PDE7B: variants seen among roughly 807,000 people sequenced by gnomAD.
PDE7B encodes the protein phosphodiesterase 7B.
Under a neutral mutation model 56.2 loss-of-function variants are expected in PDE7B, and 29 were observed. The observed-to-expected ratio is 0.52, with a 90% CI of 0.38 to 0.70. The LOEUF (loss-of-function observed/expected upper bound fraction) is 0.70. Among genes scored for constraint, PDE7B ranks in the 30% least tolerant of loss-of-function variants. The pLI is 0.00. For missense variants in PDE7B, 490 were observed against 565.0 expected (o/e 0.87, Z 1.35); for synonymous variants, 197 against 196.9 (o/e 1.00, Z 0.00).
At chr6:135,988,318 G>C (rs1302989902) in intron 2 of PDE7B, among the ~76,000 whole-genome samples, 1 of 151,746 alleles carries the variant, frequency 6.6e-6, no homozygotes, top group Non-Finnish European at 1.5e-5. Flanking sequence ...AAAAATAGAA[G>C]GTAGAACTTC....
intron 1 of PDE7B, among the ~76,000 whole-genome samples, chr6:135,869,741 T>C (rs1171855705): frequency 1.3e-5 from 2 of 152,200 alleles, no homozygotes; most frequent in African/African-American, 4.8e-5. Flanking sequence ...ATGGAGTCTT[T>C]TCTCTACTGA....
intron 2 of PDE7B, among the ~76,000 whole-genome samples, chr6:136,041,331 AT>A (rs1380545671): frequency 9.9e-5 from 15 of 151,910 alleles, no homozygotes; most frequent in Non-Finnish European, 2.9e-5. Flanking sequence ...AAAGGAGAGA[AT>A]AAAAAAAATA....
intron 3 of PDE7B, among the ~76,000 whole-genome samples, chr6:136,120,916 A>G (rs1470002436): frequency 6.6e-6 from 1 of 152,056 alleles, no homozygotes; most frequent in African/African-American, 2.4e-5. Context: ...CAAGCCTACC[A>G]CTATTCCCAC....
At position 135,881,976 on chromosome 6, in the gene PDE7B, C is replaced by T. The variant is rs532729452; in HGVS notation, c.21+29957C>T. 3.9e-5 allele frequency among the ~76,000 whole-genome samples: 6 copies of T among 152,260 alleles called. No individual in the cohort carries two copies. In the South Asian group the frequency reaches 1.0e-3, roughly 26 times the overall value. The stretch of plus-strand genomic sequence containing the variant: ...CCCACATGCGTGTTTAATTTGTAGA[C>T]TGGGTTGAGGTGTAGTCTTTATTTA... On this transcript the variant is annotated intron_variant, in intron 1 of 12. Transcript: ENST00000308191.
At chr6:135,963,365 G>A (rs1236475942) in intron 2 of PDE7B, among the ~76,000 whole-genome samples, 2 of 152,154 alleles carry the variant, frequency 1.3e-5, no homozygotes, top group African/African-American at 2.4e-5. Context: ...GGGAATAAAG[G>A]TACAGTTATT....
intron 1 of PDE7B, among the ~76,000 whole-genome samples, chr6:135,933,872 G>A (rs1289325824): frequency 6.6e-6 from 1 of 151,990 alleles, no homozygotes; most frequent in African/African-American, 2.4e-5. Flanking sequence ...TTTCTTAAGA[G>A]TCCTCCCTTT....
chr6:136,177,012 T>C (rs749946358), intron 9 of PDE7B, among the ~76,000 whole-genome samples: 8 of 151,804 alleles, frequency 5.3e-5, no homozygotes, highest in Non-Finnish European at 1.2e-4. Context: ...GGATTAAAGA[T>C]GTAGTATGGC....
At chr6:136,025,454 A>C (rs1037350565) in intron 2 of PDE7B, among the ~76,000 whole-genome samples, 2 of 152,334 alleles carry the variant, frequency 1.3e-5, no homozygotes, top group East Asian at 1.9e-4. Context: ...AAATAAGTAC[A>C]TGGGCTTATT....
At chr6:135,948,918 G>T (rs936795259) in intron 2 of PDE7B, among the ~76,000 whole-genome samples, 1 of 151,062 alleles carries the variant, frequency 6.6e-6, no homozygotes, top group Admixed American at 6.6e-5. Context: ...CAGACAGACA[G>T]ACAGACAGAC....
chr6:136,041,882 G>C (rs1171273514), intron 2 of PDE7B, among the ~76,000 whole-genome samples: 1 of 152,170 alleles, frequency 6.6e-6, no homozygotes, highest in Non-Finnish European at 1.5e-5. Context: ...AACTGTATCA[G>C]AACCAGACCA....
intron 2 of PDE7B, among the ~76,000 whole-genome samples, chr6:136,029,516 CAAGAAATCT>C (rs1776204431): frequency 6.6e-6 from 1 of 152,104 alleles, no homozygotes; most frequent in Non-Finnish European, 1.5e-5. Flanking sequence ...ACACAGAATA[CAAGAAATCT>C]TATCAGCAGA....
Position 135,966,580 on chromosome 6 carries a change from T to C in PDE7B, c.82+19056T>C, listed in dbSNP as rs556495252. On this transcript the variant is annotated intron_variant, in intron 2 of 12. Transcript: ENST00000308191. ...TGAGTAGCGCTCCCTAGGGTTGCGA[T>C]GTGGCAGCCCTGGGCATGAGAGATT... Among the ~76,000 whole-genome samples the C allele has an allele frequency of 1.9e-4, 29 of 152,216 alleles. No homozygotes were observed. In the South Asian group the frequency reaches 5.8e-3, roughly 31 times the overall value.
At chr6:136,064,563 C>G (rs1235418948) in intron 2 of PDE7B, 1 of 152,266 alleles carries the variant, frequency 6.6e-6, no homozygotes, top group Non-Finnish European at 1.5e-5. Context: ...GTCCCCTTGC[C>G]TGGTTCTGAC....
At chr6:135,859,294 T>A (rs1775099840) in intron 1 of PDE7B, among the ~76,000 whole-genome samples, 1 of 152,156 alleles carries the variant, frequency 6.6e-6, no homozygotes, top group Non-Finnish European at 1.5e-5. Flanking sequence ...GTTCTTAAGA[T>A]GAGTGTTCAT....
intron 1 of PDE7B, among the ~76,000 whole-genome samples, chr6:135,855,000 G>A (rs1182149784): frequency 6.6e-6 from 1 of 152,162 alleles, no homozygotes; most frequent in Non-Finnish European, 1.5e-5. Context: ...TACTTAGAGA[G>A]TGATTTCATG....
intron 1 of PDE7B, among the ~76,000 whole-genome samples, chr6:135,945,603 A>G (rs1774583320): frequency 6.6e-6 from 1 of 152,178 alleles, no homozygotes; most frequent in Non-Finnish European, 1.5e-5. Flanking sequence ...GGTGTGAAGA[A>G]CATGAATTCT....
At chr6:135,981,602 C>T (rs559491761) in intron 2 of PDE7B, among the ~76,000 whole-genome samples, 1 of 149,842 alleles carries the variant, frequency 6.7e-6, no homozygotes, top group Non-Finnish European at 1.5e-5. Flanking sequence ...CTGGGTAGGC[C>T]TAGGGTCAAG....
intron 1 of PDE7B, among the ~76,000 whole-genome samples, chr6:135,889,589 C>T (rs1421326975): frequency 6.7e-6 from 1 of 150,220 alleles, no homozygotes; most frequent in Non-Finnish European, 1.5e-5. Flanking sequence ...TACAGGCGCC[C>T]ACCACCAGGC....
At chr6:135,935,184 A>ATATT (rs1774393695) in intron 1 of PDE7B, among the ~76,000 whole-genome samples, 5 of 54,076 alleles carry the variant, frequency 9.2e-5, no homozygotes, top group African/African-American at 3.0e-4. Flanking sequence ...ATATATATAT[A>ATATT]TTTATTTATA....
Sources: gnomAD v4.1 joint callset for allele counts (sites outside exome capture counted in the v4.1 genomes callset) on GRCh38, gnomAD v4.1.1 for gene constraint, MANE v1.5 for transcripts, NCBI Gene and HGNC (gene_info 2026-07-23, HGNC 2026-07-21) for gene names.